Variants in TBC1D30 observed in about 807,000 individuals in gnomAD.
TBC1D30 encodes TBC1 domain family member 30.
Under a neutral mutation model 63.2 loss-of-function variants are expected in TBC1D30, and 31 were observed. The ratio of observed to expected loss-of-function variants is 0.49; its 90% CI spans 0.37 to 0.66. The LOEUF is 0.66. Among genes scored for constraint, TBC1D30 ranks in the 30% least tolerant of loss-of-function variants. The pLI is 0.00. For missense variants in TBC1D30, 810 were observed against 953.6 expected (o/e 0.85, Z 1.98); for synonymous variants, 307 against 361.5 (o/e 0.85, Z 1.71).
intron 5 of TBC1D30, 57 bp from the exon 6 acceptor site, chr12:64,836,433 C>T (rs183109326): frequency 7.0e-5 from 96 of 1,364,204 alleles, no homozygotes; most frequent in Middle Eastern, 5.5e-4. Flanking sequence ...CTCTTTAGGA[C>T]GTGTTGGGAT....
In TBC1D30 at chr12:64,824,858, C is replaced by T; in HGVS notation, c.-22C>T. On this transcript the variant is annotated 5_prime_UTR_variant, in exon 1 of 12. Transcript: ENST00000539867. ...GGGACCGAGACGGACGGTAGCCGTG[C>T]CAGAGCCCGGGGCGCTCTCGGATGC... The T allele has an allele frequency of 6.5e-7, 1 of 1,530,262 alleles. No homozygotes were observed. Among genetic ancestry groups the T allele is most frequent in the East Asian group, 2.5e-5 (1 of 40,794 alleles). 94.8% of individuals were successfully genotyped at this position (1,530,262 alleles called of 1,614,324 possible). A position where few individuals can be genotyped will look rare whatever the true frequency, so the allele number is the denominator to read the frequency against.
chr12:64,843,532 G>A (rs1876089927), intron 8 of TBC1D30, 47 bp downstream of exon 8: 9 of 1,419,514 alleles, frequency 6.3e-6, no homozygotes, highest in South Asian at 2.5e-5. Context: ...CCCCGGGCAC[G>A]GTGGGAACAA....
In TBC1D30 at chr12:64,879,860, GA is replaced by G. The variant is rs1879344264; in HGVS notation, c.*4075del. 6.6e-6 allele frequency: 1 copy of G among 150,938 alleles called. No homozygotes were observed. Among genetic ancestry groups the G allele is most frequent in the Non-Finnish European group, 1.5e-5 (1 of 68,030 alleles). 9.3% of individuals were successfully genotyped at this position (150,938 alleles called of 1,614,324 possible). ...TGAGACTTGGTATCCTGAACTCAAAGAAATAGCCATTACTAGGTTTTGTCAA... is the reference window on the plus strand; with the variant it reads ...TGAGACTTGGTATCCTGAACTCAAAGAATAGCCATTACTAGGTTTTGTCAA... On this transcript the variant is annotated 3_prime_UTR_variant, in exon 12 of 12. Coordinates refer to ENST00000539867, the MANE Select transcript of TBC1D30 (RefSeq NM_015279.2).
intron 2 of TBC1D30, among the ~76,000 whole-genome samples, chr12:64,815,285 CT>C (rs746063009): frequency 4.6e-5 from 7 of 152,124 alleles, no homozygotes; most frequent in African/African-American, 7.2e-5. Context: ...CTTAGTATGA[CT>C]TTTTGGCTCA....
In TBC1D30 at chr12:64,877,213, G is replaced by A. The variant is rs1000849768; in HGVS notation, c.*1425G>A. ...CACCTGTTATTTGGCTGAACAGAAG[G>A]CTCACTCCTCAATCCCCTTCTCCTC... On this transcript the variant is annotated 3_prime_UTR_variant, in exon 12 of 12. Coordinates refer to ENST00000539867, the MANE Select transcript of TBC1D30 (RefSeq NM_015279.2). 4.9e-6 allele frequency: 1 copy of A among 204,040 alleles called. No individual in the cohort carries two copies. Among genetic ancestry groups the A allele is most frequent in the African/African-American group, 2.3e-5 (1 of 43,398 alleles). 12.6% of individuals were successfully genotyped at this position (204,040 alleles called of 1,614,324 possible). A position where few individuals can be genotyped will look rare whatever the true frequency, so the allele number is the denominator to read the frequency against.
chr12:64,834,491 C>T (rs1417541137), intron 5 of TBC1D30, among the ~76,000 whole-genome samples: 1 of 150,324 alleles, frequency 6.7e-6, no homozygotes, highest in Non-Finnish European at 1.5e-5. Context: ...ACTGCAACCT[C>T]CACCTTCCAG....
intron 10 of TBC1D30, among the ~76,000 whole-genome samples, chr12:64,867,562 A>G (rs1878328834): frequency 6.6e-6 from 1 of 151,526 alleles, no homozygotes; most frequent in Admixed American, 6.6e-5. Context: ...CGTAGTACAC[A>G]TTTCTTTTTC....
In TBC1D30 at chr12:64,877,500, C is replaced by T. The variant is rs563370333; in HGVS notation, c.*1712C>T. On this transcript the variant is annotated 3_prime_UTR_variant, in exon 12 of 12. Coordinates refer to ENST00000539867, the MANE Select transcript of TBC1D30 (RefSeq NM_015279.2). Reference sequence around the variant, plus strand: ...GTGAGAAAAGCCATTTTATCTTCTTCGTGGTATTTTTACCCCCAAAGGAAC... The same window carrying T: ...GTGAGAAAAGCCATTTTATCTTCTTTGTGGTATTTTTACCCCCAAAGGAAC... 9 of 152,254 alleles carry T rather than the reference C, an allele frequency of 5.9e-5. No individual in the cohort carries two copies. The highest frequency in any genetic ancestry group is 2.0e-4 in the Admixed American group (3 of 15,284). 9.4% of individuals were successfully genotyped at this position (152,254 alleles called of 1,614,324 possible).
Position 64,832,146 on chromosome 12 carries a change from T to C in TBC1D30, c.436T>C (p.Tyr146His). The change falls in exon 5 of 12, where the codon TAC becomes CAC. Residue 146 changes from tyrosine to histidine, a missense_variant. By Grantham distance (83) the Tyr-to-His change is moderately conservative. Coordinates refer to ENST00000539867, the MANE Select transcript of TBC1D30 (RefSeq NM_015279.2). ...KDLHRTGCSS[Y>H]CGQEAEQDRV... ...CCTTCACCGCACAGGCTGTAGTTCT[T>C]ACTGTGGCCAGGAGGCTGAGCAGGA... 6.5e-7 allele frequency: 1 copy of C among 1,536,052 alleles called. No individual in the cohort carries two copies. The highest frequency in any genetic ancestry group is 8.7e-7 in the Non-Finnish European group (1 of 1,146,804).
intron 10 of TBC1D30, 65 bp downstream of exon 10, chr12:64,866,968 T>G (rs1389164648): frequency 4.0e-6 from 6 of 1,507,964 alleles, no homozygotes; most frequent in Non-Finnish European, 5.3e-6. Flanking sequence ...AGAGTGATAT[T>G]GTGTCCTATA....
At chr12:64,767,793 G>GA (rs1437612284) in intron 1 of TBC1D30, among the ~76,000 whole-genome samples, 1 of 109,292 alleles carries the variant, frequency 9.1e-6, no homozygotes, top group Non-Finnish European at 1.9e-5. Context: ...TCCGGCGGGG[G>GA]GGGGGGGAGG....
chr12:64,874,332 C>T (rs186720908), intron 11 of TBC1D30, among the ~76,000 whole-genome samples: 29 of 152,354 alleles, frequency 1.9e-4, no homozygotes, highest in South Asian at 1.0e-3. Context: ...AAGTGATCCT[C>T]CTGCCTTGGC....
chr12:64,773,252 G>A (rs933379761), intron 1 of TBC1D30, among the ~76,000 whole-genome samples: 3 of 151,348 alleles, frequency 2.0e-5, no homozygotes, highest in Admixed American at 6.6e-5. Flanking sequence ...TCGCTGATCT[G>A]TTCCTCCTCA....
At chr12:64,831,373 G>A (rs1592606010) in intron 4 of TBC1D30, among the ~76,000 whole-genome samples, 1 of 152,116 alleles carries the variant, frequency 6.6e-6, no homozygotes, top group Non-Finnish European at 1.5e-5. Context: ...AATATGTTTC[G>A]CAGAGATGAA....
intron 1 of TBC1D30, among the ~76,000 whole-genome samples, chr12:64,762,641 C>T (rs972357435): frequency 1.3e-5 from 2 of 152,078 alleles, no homozygotes; most frequent in Admixed American, 6.5e-5. Context: ...ACAAATAATG[C>T]AAAAATTTAA....
intron 11 of TBC1D30, among the ~76,000 whole-genome samples, chr12:64,874,421 A>G (rs1333378512): frequency 1.3e-5 from 2 of 152,162 alleles, no homozygotes; most frequent in Non-Finnish European, 1.5e-5. Flanking sequence ...TCAGTTTTCA[A>G]TTGGCTTTCG....
In TBC1D30 at chr12:64,827,862, T is replaced by C. The variant is rs1356077766; in HGVS notation, c.182T>C (p.Leu61Pro). 1 of 1,534,962 alleles carries C rather than the reference T, an allele frequency of 6.5e-7. No homozygotes were observed. The highest frequency in any genetic ancestry group is 2.4e-5 in the East Asian group (1 of 40,832). ...PGVDTKLKFT[L>P]EPSLGQNGFQ... ...GTTGATACCAAGTTGAAATTCACTC[T>C]TGAGCCATCTTTAGGTCAAAATGGT... Residue 61 changes from leucine to proline, a missense_variant, in exon 2 of 12, where the codon CTT becomes CCT. Around this residue, in one of 4 missense-constraint regions of TBC1D30, gnomAD observed 272 missense variants for 335.9 expected, o/e 0.81. Transcript: ENST00000539867.
rs1443624846 is a variant in TBC1D30 at position 64,877,947 on chromosome 12, A to C, written c.*2159A>C. 1 of 154,850 alleles carries C rather than the reference A, an allele frequency of 6.5e-6. No homozygotes were observed. Among genetic ancestry groups the C allele is most frequent in the East Asian group, 1.9e-4 (1 of 5,298 alleles). The allele number at this position is 154,850 out of a possible 1,614,324, so 9.6% of individuals were successfully genotyped here. On this transcript the variant is annotated 3_prime_UTR_variant, in exon 12 of 12. Transcript: ENST00000539867. ...TAATGAGGTAGAGGCCACTTATACA[A>C]GTCCTTGGGATTGTACCATTGCTGT... is the stretch of plus-strand genomic sequence containing the variant.
intron 9 of TBC1D30, 41 bp downstream of exon 9, chr12:64,864,821 C>T (rs1345353076): frequency 6.2e-6 from 8 of 1,281,076 alleles, no homozygotes; most frequent in Non-Finnish European, 8.7e-6. Flanking sequence ...TGATGGAGGA[C>T]TTAATATCTT....
Sources: gnomAD v4.1 joint callset for allele counts (sites outside exome capture counted in the v4.1 genomes callset) on GRCh38, gnomAD v4.1.1 for gene constraint, gnomAD v4.1.1 regional missense constraint, MANE v1.5 for transcripts, NCBI Gene and HGNC (gene_info 2026-07-23, HGNC 2026-07-21) for gene names.